CADM1: variants seen among roughly 807,000 people sequenced by gnomAD.
CADM1 encodes TSLC-1.
Under a neutral mutation model 53.1 loss-of-function variants are expected in CADM1, and 15 were observed. That is an observed-to-expected ratio of 0.28 (90% CI 0.19 to 0.44). CADM1 has a LOEUF of 0.44. Among genes scored for constraint, CADM1 ranks in the 20% least tolerant of loss-of-function variants. The pLI, the probability that CADM1 is intolerant of heterozygous loss-of-function variation, is 1.00. For missense variants in CADM1, 434 were observed against 611.3 expected (o/e 0.71, Z 3.06); for synonymous variants, 281 against 243.0 (o/e 1.16, Z -1.45).
chr11:115,178,608 G>A (rs374153442), intron 11 of CADM1, 36 bp downstream of exon 11: 11 of 1,608,540 alleles, frequency 6.8e-6, no homozygotes, highest in Non-Finnish European at 9.3e-6. Flanking sequence ...GAAGCTGTGG[G>A]GACACGCTGC....
intron 1 of CADM1, among the ~76,000 whole-genome samples, chr11:115,416,749 C>T (rs1266578247): frequency 6.7e-6 from 1 of 150,110 alleles, no homozygotes; most frequent in Non-Finnish European, 1.5e-5. Flanking sequence ...AGATATTGTA[C>T]TCACAGTGTA....
chr11:115,265,299 G>A (rs1016726025), intron 1 of CADM1, among the ~76,000 whole-genome samples: 8 of 152,140 alleles, frequency 5.3e-5, no homozygotes, highest in African/African-American at 1.9e-4. Flanking sequence ...AAGAGAGAAG[G>A]AACCTGGGTG....
At chr11:115,434,221 C>T (rs1948126233) in intron 1 of CADM1, among the ~76,000 whole-genome samples, 1 of 152,102 alleles carries the variant, frequency 6.6e-6, no homozygotes. Flanking sequence ...CTCTTTGGTT[C>T]CCAAAAGCAT....
intron 1 of CADM1, among the ~76,000 whole-genome samples, chr11:115,246,878 T>G (rs1942425878): frequency 6.6e-6 from 1 of 152,218 alleles, no homozygotes; most frequent in African/African-American, 2.4e-5. Context: ...TAATTTAACA[T>G]TTTATAATCA....
At chr11:115,469,630 T>G (rs1391111348) in intron 1 of CADM1, among the ~76,000 whole-genome samples, 1 of 151,390 alleles carries the variant, frequency 6.6e-6, no homozygotes. Context: ...CATGAGGAAG[T>G]GAAACTTTTA....
chr11:115,422,311 C>G (rs1947776838), intron 1 of CADM1, among the ~76,000 whole-genome samples: 1 of 152,108 alleles, frequency 6.6e-6, no homozygotes, highest in African/African-American at 2.4e-5. Context: ...TGAAAAAATA[C>G]TGTAAAAATC....
rs551010360 is a variant in CADM1 at position 115,187,927 on chromosome 11, T to C, written c.1165+2961A>G. ...GTTGTAGGAGTTTTCCAGATCACTT[T>C]CTTGTCTGTAGGACAAGAGCTGATA... On this transcript the variant is annotated intron_variant, in intron 10 of 11. Transcript: ENST00000331581. 1.6e-4 allele frequency among the ~76,000 whole-genome samples: 24 copies of C among 152,322 alleles called. 1 individual carries two copies. In the South Asian group the frequency reaches 4.6e-3, roughly 29 times the overall value.
At chr11:115,270,865 T>G (rs1943277610) in intron 1 of CADM1, among the ~76,000 whole-genome samples, 1 of 152,230 alleles carries the variant, frequency 6.6e-6, no homozygotes, top group African/African-American at 2.4e-5. Flanking sequence ...ACAACATGGT[T>G]AATAAATCAC....
chr11:115,427,516 T>C (rs1224155078), intron 1 of CADM1, among the ~76,000 whole-genome samples: 1 of 152,052 alleles, frequency 6.6e-6, no homozygotes, highest in Non-Finnish European at 1.5e-5. Flanking sequence ...GATAGATAGA[T>C]GGATAGATGA....
chr11:115,369,298 C>T (rs977792217), intron 1 of CADM1, among the ~76,000 whole-genome samples: 2 of 152,034 alleles, frequency 1.3e-5, no homozygotes, highest in Non-Finnish European at 1.5e-5. Flanking sequence ...TCTTTGAAAC[C>T]TTTGGGCAAA....
Position 115,178,718 on chromosome 11 carries a change from C to A in CADM1, c.1223G>T (p.Gly408Val). 6.2e-7 allele frequency: 1 copy of A among 1,613,948 alleles called. No individual in the cohort carries two copies. Among genetic ancestry groups the A allele is most frequent in the Non-Finnish European group, 8.5e-7 (1 of 1,180,000 alleles). Reference sequence around the variant, plus strand: ...GGCGAACACCACCACCGCCACGACGCCACCGATCACGGCATGATCCACTGC... The same window carrying A: ...GGCGAACACCACCACCGCCACGACGACACCGATCACGGCATGATCCACTGC... ...IRAVDHAVIG[G>V]VVAVVVFAML... The change falls in exon 11 of 12, where the codon GGC becomes GTC. Residue 408 changes from glycine (G) to valine (V), a missense_variant. Transcript: ENST00000331581.
chr11:115,371,638 ATTTT>A (rs11396249), intron 1 of CADM1, among the ~76,000 whole-genome samples: 1 of 135,406 alleles, frequency 7.4e-6, no homozygotes. Flanking sequence ...GTCAGACTGG[ATTTT>A]TTTTTTTTTT....
At chr11:115,206,646 A>ACT (rs1257057675) in intron 8 of CADM1, among the ~76,000 whole-genome samples, 1 of 151,244 alleles carries the variant, frequency 6.6e-6, no homozygotes, top group African/African-American at 2.4e-5. Context: ...CGAGTTTAAA[A>ACT]ATATTTTTCT....
intron 1 of CADM1, among the ~76,000 whole-genome samples, chr11:115,290,294 G>GT (rs1327848597): frequency 6.6e-6 from 1 of 152,072 alleles, no homozygotes; most frequent in African/African-American, 2.4e-5. Flanking sequence ...TACTGGGTTA[G>GT]TTTTTTTTAA....
intron 1 of CADM1, among the ~76,000 whole-genome samples, chr11:115,293,275 CACAA>C (rs1319781352): frequency 6.6e-6 from 1 of 151,956 alleles, no homozygotes; most frequent in Non-Finnish European, 1.5e-5. Flanking sequence ...TACTAAAAAA[CACAA>C]ACAATTAGCT....
At chr11:115,190,099 T>G (rs557870350) in intron 10 of CADM1, among the ~76,000 whole-genome samples, 1 of 152,204 alleles carries the variant, frequency 6.6e-6, no homozygotes, top group African/African-American at 2.4e-5. Context: ...ATTTCTCCAC[T>G]GCAATAACAA....
intron 1 of CADM1, among the ~76,000 whole-genome samples, chr11:115,269,422 TTCCGTTATTCAGGAC>T (rs2135042265): frequency 6.6e-6 from 1 of 152,250 alleles, no homozygotes; most frequent in South Asian, 2.1e-4. Flanking sequence ...GGCCCTCCAT[TTCCGTTATTCAGGAC>T]TCCTGAATTG....
rs570230456 is a variant in CADM1, at chr11:115,213,139, G to A, written c.994+1469C>T. 7.9e-5 allele frequency among the ~76,000 whole-genome samples: 12 copies of A among 152,258 alleles called. No homozygotes were observed. In the South Asian group the frequency reaches 1.2e-3, roughly 16 times the overall value. Reference sequence around the variant, plus strand: ...AGCTGGACTGAAAGCCAGTAAACCCGGGCAACAGCAATGTCGGGGACTCCC... The same window carrying A: ...AGCTGGACTGAAAGCCAGTAAACCCAGGCAACAGCAATGTCGGGGACTCCC... On this transcript the variant is annotated intron_variant, in intron 7 of 11. Transcript: ENST00000331581.
At chr11:115,492,176 A>C (rs1020200420) in intron 1 of CADM1, among the ~76,000 whole-genome samples, 1 of 152,200 alleles carries the variant, frequency 6.6e-6, no homozygotes, top group Non-Finnish European at 1.5e-5. Context: ...TCATCATAAC[A>C]AATACGAGAA....
Sources: gnomAD v4.1 joint callset for allele counts (sites outside exome capture counted in the v4.1 genomes callset) on GRCh38, gnomAD v4.1.1 for gene constraint, MANE v1.5 for transcripts, NCBI Gene and HGNC (gene_info 2026-07-23, HGNC 2026-07-21) for gene names.